OSBPL1A: variants seen among roughly 807,000 people sequenced by gnomAD.
OSBPL1A encodes the protein oxysterol-binding protein-related protein 1.
A neutral mutation model predicts 137.1 loss-of-function variants in OSBPL1A; 80 were observed. The ratio of observed to expected loss-of-function variants is 0.58; its 90% CI spans 0.49 to 0.70. The LOEUF (loss-of-function observed/expected upper bound fraction) is 0.70, where lower values mean the gene tolerates loss of function less well. Among genes scored for constraint, OSBPL1A ranks in the 30% least tolerant of loss-of-function variants. The pLI is 0.00. For synonymous variants in OSBPL1A, 365 were observed against 389.7 expected (o/e 0.94, Z 0.75); for missense variants, 970 against 1,129.4 (o/e 0.86, Z 2.02).
chr18:24,300,898 A>T (rs1599636559), intron 14 of OSBPL1A, among the ~76,000 whole-genome samples: 1 of 151,960 alleles, frequency 6.6e-6, no homozygotes, highest in South Asian at 2.1e-4. Context: ...ACTCACTGCA[A>T]CCTCTGCCTC....
At chr18:24,224,365 A>C (rs1313811439) in intron 17 of OSBPL1A, among the ~76,000 whole-genome samples, 2 of 152,208 alleles carry the variant, frequency 1.3e-5, no homozygotes, top group African/African-American at 4.8e-5. Context: ...TGACAACAGA[A>C]TACATCCTTC....
intron 14 of OSBPL1A, among the ~76,000 whole-genome samples, chr18:24,295,410 A>C (rs1280626930): frequency 6.6e-6 from 1 of 152,060 alleles, no homozygotes; most frequent in Non-Finnish European, 1.5e-5. Flanking sequence ...GAAGCTTTTT[A>C]GTTTAATTAG....
In OSBPL1A at chr18:24,196,166, C is replaced by T; in HGVS notation, c.1636G>A (p.Asp546Asn). Residue 546 changes from aspartate to asparagine, a missense_variant, in exon 18 of 28, where the codon GAC (aspartate) becomes AAC (asparagine). Physicochemically the swap from Asp to Asn is conservative, Grantham distance 23. Around this residue, in one of 2 missense-constraint regions of OSBPL1A, gnomAD observed 647 missense variants for 672.6 expected, o/e 0.96. Coordinates refer to ENST00000319481, the MANE Select transcript of OSBPL1A (RefSeq NM_080597.4). ...SLPSPMFSRN[D>N]FSIWSILRKC... ...CTGAGGATGCTCCAGATACTGAAGT[C>T]ATTTCTGGAAAACATAGGAGAAGGC... 1 of 1,611,406 alleles carries T rather than the reference C, an allele frequency of 6.2e-7. No individual in the cohort carries two copies. The highest frequency in any genetic ancestry group is 8.5e-7 in the Non-Finnish European group (1 of 1,179,562).
intron 11 of OSBPL1A, among the ~76,000 whole-genome samples, chr18:24,315,871 A>G (rs1244025260): frequency 7.9e-6 from 1 of 126,860 alleles, no homozygotes; most frequent in Admixed American, 9.8e-5. Flanking sequence ...TATAGTATAT[A>G]TTATATAATA....
chr18:24,371,886 C>G (rs187782378), intron 2 of OSBPL1A, among the ~76,000 whole-genome samples: 1 of 152,310 alleles, frequency 6.6e-6, no homozygotes, highest in African/African-American at 2.4e-5. Flanking sequence ...TGCCACAGCC[C>G]TGTACCCTGT....
At chr18:24,264,435 T>C (rs1687953710) in intron 15 of OSBPL1A, among the ~76,000 whole-genome samples, 1 of 152,180 alleles carries the variant, frequency 6.6e-6, no homozygotes, top group South Asian at 2.1e-4. Flanking sequence ...AACGCCAACT[T>C]ATAATTCAGT....
At chr18:24,262,739 G>A (rs1365210515) in intron 15 of OSBPL1A, among the ~76,000 whole-genome samples, 1 of 114,008 alleles carries the variant, frequency 8.8e-6, no homozygotes, top group Non-Finnish European at 1.7e-5. Flanking sequence ...CCCCTTTCAC[G>A]GTCACTCTCC....
Position 24,222,956 on chromosome 18 carries a change from AT to A in OSBPL1A, c.1601+2085del, listed in dbSNP as rs745667298. ...AAGTTAAATAAATCATAAGTAAATGATTTTTTTTTAATAGTAAGGAAAACAG... is the reference window on the plus strand; with the variant it reads ...AAGTTAAATAAATCATAAGTAAATGATTTTTTTTAATAGTAAGGAAAACAG... On this transcript the variant is annotated intron_variant, in intron 17 of 27. Coordinates refer to ENST00000319481, the MANE Select transcript of OSBPL1A (RefSeq NM_080597.4). Among the ~76,000 whole-genome samples the A allele has an allele frequency of 1.1e-4, 16 of 151,608 alleles. No individual in the cohort carries two copies. The East Asian group carries it at 1.4e-3, about 13-fold the overall frequency.
At chr18:24,190,199 G>T (rs1029822556) in intron 18 of OSBPL1A, among the ~76,000 whole-genome samples, 5 of 152,026 alleles carry the variant, frequency 3.3e-5, no homozygotes, top group Non-Finnish European at 7.4e-5. Context: ...GCTTGCCCTG[G>T]ATCACTCGGC....
At chr18:24,253,167 C>G (rs55639059) in intron 15 of OSBPL1A, among the ~76,000 whole-genome samples, 89,590 of 94,876 alleles carry the variant, frequency 0.94, 42,164 homozygotes, top group East Asian at 0.99. Flanking sequence ...AAAGACATGG[C>G]GGGGGGGGGC....
Position 24,171,104 on chromosome 18 carries a change from G to C in OSBPL1A, c.2291+305C>G, listed in dbSNP as rs570339210. Among the ~76,000 whole-genome samples the C allele has an allele frequency of 4.1e-3, 614 of 151,000 alleles. 2 individuals are homozygous for C. Among genetic ancestry groups the C allele is most frequent in the African/African-American group, 0.014 (593 of 41,040 alleles). Reference sequence around the variant, plus strand: ...GGCTGGAGTGTGGTGGTGCGATCTCGGCTCACTGCAACCTCCGCCTCCCAG... The same window carrying C: ...GGCTGGAGTGTGGTGGTGCGATCTCCGCTCACTGCAACCTCCGCCTCCCAG... On this transcript the variant is annotated intron_variant, in intron 23 of 27. Transcript: ENST00000319481.
At chr18:24,328,036 C>CTTTTTTT (rs10563779) in intron 7 of OSBPL1A, among the ~76,000 whole-genome samples, 1 of 95,634 alleles carries the variant, frequency 1.0e-5, no homozygotes, top group Non-Finnish European at 2.0e-5. Flanking sequence ...AGAAATCACA[C>CTTTTTTT]TTTTTTTTTT....
Position 24,189,670 on chromosome 18 carries a change from C to T in OSBPL1A, c.1677+6455G>A, listed in dbSNP as rs531612762. Among the ~76,000 whole-genome samples, 29 of 152,346 alleles carry T rather than the reference C, an allele frequency of 1.9e-4. No homozygotes were observed. The East Asian group carries it at 2.9e-3, about 15-fold the overall frequency. On this transcript the variant is annotated intron_variant, in intron 18 of 27. Coordinates refer to ENST00000319481, the MANE Select transcript of OSBPL1A (RefSeq NM_080597.4). ...GCTGCTCAGTTCCCCCCGCTCCACA[C>T]GATGCCTAGCATCTCATCTATTAGT...
chr18:24,271,911 G>A lies in OSBPL1A; in HGVS notation c.1281+8931C>T, dbSNP rs899243497. Reference sequence around the variant, plus strand: ...GCGCCGCGCCCGCCCGGGCCGCAGAGGTCTGCGCTGCCCCTCCGCCGCCGC... The same window carrying A: ...GCGCCGCGCCCGCCCGGGCCGCAGAAGTCTGCGCTGCCCCTCCGCCGCCGC... On this transcript the variant is annotated intron_variant, in intron 15 of 27. Coordinates refer to ENST00000319481, the MANE Select transcript of OSBPL1A (RefSeq NM_080597.4). This position sits in a 1 kb window ranked among gnomAD's most constrained non-coding sequence, Gnocchi z 4.0. The A allele has an allele frequency of 2.0e-6, 2 of 984,088 alleles. No individual in the cohort carries two copies. The highest frequency in any genetic ancestry group is 1.8e-5 in the African/African-American group (1 of 57,092). The allele number at this position is 984,088 out of a possible 1,614,324, so 61.0% of individuals were successfully genotyped here.
At chr18:24,252,361 T>C (rs1339378172) in intron 15 of OSBPL1A, among the ~76,000 whole-genome samples, 2 of 152,072 alleles carry the variant, frequency 1.3e-5, no homozygotes, top group Admixed American at 6.5e-5. Context: ...GGAGCTCCAA[T>C]ACGTCTGGCA....
chr18:24,375,830 A>G (rs1906073867), intron 2 of OSBPL1A, among the ~76,000 whole-genome samples: 1 of 152,228 alleles, frequency 6.6e-6, no homozygotes, highest in South Asian at 2.1e-4. Flanking sequence ...TCAAGAAGAA[A>G]AAAAAATTAT....
intron 17 of OSBPL1A, among the ~76,000 whole-genome samples, chr18:24,211,353 T>C (rs1262332719): frequency 1.3e-5 from 2 of 152,202 alleles, no homozygotes; most frequent in Non-Finnish European, 2.9e-5. Context: ...TATTGCAATC[T>C]TTTAAATGTC....
chr18:24,209,248 A>G (rs534050074), intron 17 of OSBPL1A, among the ~76,000 whole-genome samples: 94 of 152,356 alleles, frequency 6.2e-4, no homozygotes, highest in African/African-American at 1.9e-3. Flanking sequence ...ACAAAGACAT[A>G]CAAACAAATT....
chr18:24,279,503 A>G (rs1269503400), intron 15 of OSBPL1A, among the ~76,000 whole-genome samples: 1 of 152,126 alleles, frequency 6.6e-6, no homozygotes, highest in African/African-American at 2.4e-5. Flanking sequence ...ATTTTTACGT[A>G]TTAGAGGAAA....
Sources: gnomAD v4.1 joint callset for allele counts (sites outside exome capture counted in the v4.1 genomes callset) on GRCh38, gnomAD v4.1.1 for gene constraint, gnomAD v4.1.1 regional missense constraint, Gnocchi (gnomAD v3.1) non-coding constraint, MANE v1.5 for transcripts, NCBI Gene and HGNC (gene_info 2026-07-23, HGNC 2026-07-21) for gene names.